The following RPS6KC1 variants were observed in gnomAD, a reference collection of about 807,000 sequenced individuals.
RPS6KC1 encodes inactive ribosomal protein S6 kinase delta-1.
Under a neutral mutation model 103.8 loss-of-function variants are expected in RPS6KC1, and 54 were observed. The observed-to-expected ratio is 0.52, with a 90% confidence interval of 0.42 to 0.65. The LOEUF is 0.65. RPS6KC1 is among the 30% of genes least tolerant of loss of function. The pLI, the probability that RPS6KC1 is intolerant of heterozygous loss-of-function variation, is 0.00. For synonymous variants in RPS6KC1, 439 were observed against 438.7 expected (o/e 1.00, Z -0.01); for missense variants, 1,151 against 1,253.8 (o/e 0.92, Z 1.24).
intron 3 of RPS6KC1, 114 bp from the exon 4 acceptor site, chr1:213,104,340 A>G: frequency 1.7e-6 from 1 of 601,268 alleles, no homozygotes; most frequent in Non-Finnish European, 3.0e-6. Context: ...TTGCATAATA[A>G]GCAAAGCAAC....
chr1:213,436,020 T>G, the RPS6KC1 span, among the ~76,000 whole-genome samples: 1 of 152,322 alleles, frequency 6.6e-6, no homozygotes, highest in Non-Finnish European at 1.5e-5. Flanking sequence ...AGGGCTCCCC[T>G]TGTTTGTTAT....
At chr1:213,576,127 C>T in the RPS6KC1 span, among the ~76,000 whole-genome samples, 1 of 152,018 alleles carries the variant, frequency 6.6e-6, no homozygotes, top group Non-Finnish European at 1.5e-5. Context: ...TGCATACCCA[C>T]GAGTTGTGCA....
chr1:213,273,425 A>C lies in RPS6KC1; in HGVS notation c.*791A>C, dbSNP rs1257973473. 1 of 152,638 alleles carries C rather than the reference A, an allele frequency of 6.6e-6. No homozygotes were observed. The highest frequency in any genetic ancestry group is 6.5e-5 in the Admixed American group (1 of 15,280). 9.5% of individuals were successfully genotyped at this position (152,638 alleles called of 1,614,324 possible). On this transcript the variant is annotated 3_prime_UTR_variant, in exon 15 of 15. Transcript: ENST00000366960. ...AGTGCTTATTTCCCTTTGTGTAAGG[A>C]CTAAGAAATCATGATATCAAATAAA... is the stretch of plus-strand genomic sequence containing the variant.
intron 6 of RPS6KC1, among the ~76,000 whole-genome samples, chr1:213,162,179 T>G (rs1479648538): frequency 1.3e-5 from 2 of 152,216 alleles, no homozygotes; most frequent in Non-Finnish European, 2.9e-5. Context: ...CCATTTGACT[T>G]TAGAACATAA....
the RPS6KC1 span, among the ~76,000 whole-genome samples, chr1:213,764,978 T>A: frequency 1.7e-4 from 26 of 152,264 alleles, no homozygotes; most frequent in Admixed American, 1.6e-3. Flanking sequence ...TCTCTCACCA[T>A]CCATTCTCCA....
chr1:213,421,492 C>G, the RPS6KC1 span, among the ~76,000 whole-genome samples: 4 of 152,278 alleles, frequency 2.6e-5, no homozygotes, highest in Admixed American at 2.6e-4. Context: ...TTTCGGTTAG[C>G]CACTTGTAAA....
the RPS6KC1 span, among the ~76,000 whole-genome samples, chr1:213,717,430 G>A: frequency 6.6e-6 from 1 of 152,230 alleles, no homozygotes; most frequent in Non-Finnish European, 1.5e-5. Flanking sequence ...AAGAACATGT[G>A]TGCAGTTAAT....
At chr1:213,744,727 A>G in the RPS6KC1 span, among the ~76,000 whole-genome samples, 1 of 152,254 alleles carries the variant, frequency 6.6e-6, no homozygotes, top group Non-Finnish European at 1.5e-5. Context: ...CTTACACTCC[A>G]GCTTTCTGGG....
the RPS6KC1 span, among the ~76,000 whole-genome samples, chr1:213,798,508 C>T: frequency 6.6e-6 from 1 of 152,152 alleles, no homozygotes; most frequent in Non-Finnish European, 1.5e-5. Context: ...GCCAGTATAC[C>T]TGGGAGTTCT....
chr1:213,493,140 C>T, the RPS6KC1 span, among the ~76,000 whole-genome samples: 2 of 152,270 alleles, frequency 1.3e-5, no homozygotes, highest in South Asian at 4.2e-4. Context: ...ATCTGACTCC[C>T]TTTTCCATAA....
At chr1:213,229,807 T>C (rs943575678) in intron 8 of RPS6KC1, among the ~76,000 whole-genome samples, 5 of 152,224 alleles carry the variant, frequency 3.3e-5, no homozygotes, top group Non-Finnish European at 7.3e-5. Context: ...TTCTAACTTA[T>C]GTTTTAAAAA....
At chr1:213,276,725 C>A (rs1282149626), downstream of RPS6KC1, among the ~76,000 whole-genome samples, 1 of 152,104 alleles carries the variant, frequency 6.6e-6, no homozygotes, top group Non-Finnish European at 1.5e-5. Context: ...AGTAGCATAG[C>A]CCTTGGTGGT....
the RPS6KC1 span, among the ~76,000 whole-genome samples, chr1:213,708,807 A>G: frequency 6.6e-5 from 10 of 152,210 alleles, no homozygotes; most frequent in African/African-American, 2.4e-4. Flanking sequence ...TATTGAGATA[A>G]TCATGTGGTT....
chr1:213,138,961 A>G (rs543415616), intron 6 of RPS6KC1, among the ~76,000 whole-genome samples: 1 of 152,332 alleles, frequency 6.6e-6, no homozygotes, highest in South Asian at 2.1e-4. Flanking sequence ...ACTAAATTAC[A>G]TTCCCACCAG....
At chr1:213,658,930 A>C in the RPS6KC1 span, among the ~76,000 whole-genome samples, 1 of 152,186 alleles carries the variant, frequency 6.6e-6, no homozygotes, top group East Asian at 1.9e-4. Flanking sequence ...GTAAGACTAG[A>C]TCACTCTGCT....
At chr1:213,106,899 TAG>T (rs2082554271) in intron 4 of RPS6KC1, among the ~76,000 whole-genome samples, 1 of 152,176 alleles carries the variant, frequency 6.6e-6, no homozygotes, top group Admixed American at 6.6e-5. Context: ...AGTAAATTTA[TAG>T]AGTTTTGCAC....
chr1:213,716,875 G>A, the RPS6KC1 span, among the ~76,000 whole-genome samples: 1 of 152,102 alleles, frequency 6.6e-6, no homozygotes, highest in Non-Finnish European at 1.5e-5. Flanking sequence ...AAATACTTGG[G>A]GAAGTTTGTT....
chr1:213,714,463 G>A, the RPS6KC1 span, among the ~76,000 whole-genome samples: 1 of 152,182 alleles, frequency 6.6e-6, no homozygotes, highest in African/African-American at 2.4e-5. Context: ...TCGTTTATAC[G>A]TAGGAGTGAA....
At chr1:213,287,610 T>C in the RPS6KC1 span, among the ~76,000 whole-genome samples, 1 of 152,224 alleles carries the variant, frequency 6.6e-6, no homozygotes, top group South Asian at 2.1e-4. Flanking sequence ...AGCACCGTTT[T>C]GTTCTTTCAA....
Sources: allele counts gnomAD v4.1 joint callset (sites outside exome capture counted in the v4.1 genomes callset), GRCh38; gene constraint gnomAD v4.1.1; transcripts MANE v1.5; gene names NCBI Gene and HGNC (gene_info 2026-07-23, HGNC 2026-07-21).